Variants in PTPRM observed in about 807,000 individuals in gnomAD.
PTPRM encodes the protein protein tyrosine phosphatase receptor type M.
PTPRM carries 47 observed loss-of-function variants against 186.7 expected under a neutral mutation model. That is an observed-to-expected ratio of 0.25 (90% confidence interval 0.20 to 0.32). The LOEUF (loss-of-function observed/expected upper bound fraction) is 0.32, where lower values mean the gene tolerates loss of function less well. Ranked by LOEUF, PTPRM falls within the 10% of genes least tolerant of loss-of-function variation. PTPRM has a pLI of 1.00. For synonymous variants in PTPRM, 668 were observed against 674.9 expected (o/e 0.99, Z 0.16); for missense variants, 1,494 against 1,865.0 (o/e 0.80, Z 3.66).
chr18:7,698,149 A>AT (rs2039884351), intron 1 of PTPRM, among the ~76,000 whole-genome samples: 1 of 152,196 alleles, frequency 6.6e-6, no homozygotes, highest in Non-Finnish European at 1.5e-5. Flanking sequence ...CCTTAAAACA[A>AT]TAGCAGACTA....
At chr18:8,392,207 T>A (rs1313854305) in intron 31 of PTPRM, among the ~76,000 whole-genome samples, 3 of 152,110 alleles carry the variant, frequency 2.0e-5, no homozygotes, top group Admixed American at 1.3e-4. Flanking sequence ...GTGGATTTTT[T>A]AAAAAAGCAG....
intron 1 of PTPRM, chr18:7,751,426 T>C (rs2041212159): frequency 6.6e-6 from 1 of 152,218 alleles, no homozygotes; most frequent in Non-Finnish European, 1.5e-5. Flanking sequence ...CTTAATACAT[T>C]GCCACTGCCA....
At chr18:8,117,386 T>G (rs999022120) in intron 13 of PTPRM, among the ~76,000 whole-genome samples, 2 of 152,204 alleles carry the variant, frequency 1.3e-5, no homozygotes, top group Non-Finnish European at 2.9e-5. Flanking sequence ...AATGTTCTCC[T>G]GAAACAACTG....
At chr18:8,097,313 A>G (rs2091061855) in intron 11 of PTPRM, among the ~76,000 whole-genome samples, 1 of 152,138 alleles carries the variant, frequency 6.6e-6, no homozygotes, top group African/African-American at 2.4e-5. Flanking sequence ...TTTTTCCCAT[A>G]TAATTATGTC....
chr18:8,208,582 G>C (rs1018486941), intron 14 of PTPRM, among the ~76,000 whole-genome samples: 14 of 151,828 alleles, frequency 9.2e-5, no homozygotes, highest in Admixed American at 8.5e-4. Context: ...CACCATCATA[G>C]TTCACTGCAG....
chr18:8,015,523 T>G (rs931028356), intron 7 of PTPRM, among the ~76,000 whole-genome samples: 5 of 152,178 alleles, frequency 3.3e-5, no homozygotes, highest in African/African-American at 1.2e-4. Context: ...GGGACTTGAG[T>G]CCCTGAAAGG....
rs143208196 is a variant in PTPRM at position 8,372,126 on chromosome 18, C to T, written c.3171+1120C>T. ...GTCGCCCAGGCCGGACTGCGGACTG[C>T]AGTGGCGCAATCTCGGCTCACTGCA... On this transcript the variant is annotated intron_variant, in intron 24 of 32. Coordinates refer to ENST00000580170, the MANE Select transcript of PTPRM (RefSeq NM_001105244.2). Among the ~76,000 whole-genome samples, 1,172 of 129,182 alleles carry T rather than the reference C, an allele frequency of 9.1e-3. 31 individuals are homozygous for T. Among genetic ancestry groups the T allele is most frequent in the African/African-American group, 0.033 (1,117 of 33,708 alleles). The allele number at this position is 129,182 out of a possible 152,430, so 84.7% of individuals were successfully genotyped here.
At chr18:8,065,807 G>A (rs965461493) in intron 7 of PTPRM, among the ~76,000 whole-genome samples, 33 of 152,280 alleles carry the variant, frequency 2.2e-4, no homozygotes, top group African/African-American at 7.2e-4. Flanking sequence ...GCTGTGCCAT[G>A]TTTTGGGGGG....
At chr18:8,268,241 T>A (rs1404937343) in intron 19 of PTPRM, among the ~76,000 whole-genome samples, 2 of 152,166 alleles carry the variant, frequency 1.3e-5, no homozygotes, top group Non-Finnish European at 2.9e-5. Context: ...TGTTTGGATC[T>A]TCTTTAATGT....
intron 14 of PTPRM, among the ~76,000 whole-genome samples, chr18:8,179,522 T>C (rs1302829812): frequency 1.3e-5 from 2 of 150,714 alleles, no homozygotes; most frequent in Admixed American, 6.7e-5. Flanking sequence ...CAGACTGGAG[T>C]GTAGTGGTGC....
intron 11 of PTPRM, among the ~76,000 whole-genome samples, chr18:8,093,505 A>C (rs768610486): frequency 6.6e-6 from 1 of 152,162 alleles, no homozygotes; most frequent in Non-Finnish European, 1.5e-5. Flanking sequence ...TATTTCCTCT[A>C]TCAACAGAAT....
chr18:7,791,795 T>G (rs2043355691), intron 2 of PTPRM, among the ~76,000 whole-genome samples: 1 of 152,170 alleles, frequency 6.6e-6, no homozygotes, highest in Non-Finnish European at 1.5e-5. Context: ...TATAAAGGAG[T>G]GCTATCTTTA....
chr18:7,595,922 C>T (rs2037245966), intron 1 of PTPRM, among the ~76,000 whole-genome samples: 1 of 152,190 alleles, frequency 6.6e-6, no homozygotes, highest in Non-Finnish European at 1.5e-5. Flanking sequence ...CCATTTATAT[C>T]CACACCTCTG....
chr18:8,332,370 C>G (rs2095416623), intron 22 of PTPRM, among the ~76,000 whole-genome samples: 1 of 152,088 alleles, frequency 6.6e-6, no homozygotes, highest in Non-Finnish European at 1.5e-5. Flanking sequence ...CCAATTTTCT[C>G]TTAATGAAAT....
At chr18:8,066,426 G>A (rs542521682) in intron 7 of PTPRM, among the ~76,000 whole-genome samples, 1 of 152,184 alleles carries the variant, frequency 6.6e-6, no homozygotes, top group African/African-American at 2.4e-5. Flanking sequence ...CATCTGAAGT[G>A]GACCATGTCC....
At chr18:8,377,873 A>C (rs9949353) in intron 26 of PTPRM, 2,546 of 160,190 alleles carry the variant, frequency 0.016, 77 homozygotes, top group African/African-American at 0.058. Context: ...GAACTTCCAG[A>C]CTTCTTGTCT....
At chr18:7,602,774 C>G (rs2037434991) in intron 1 of PTPRM, among the ~76,000 whole-genome samples, 1 of 149,392 alleles carries the variant, frequency 6.7e-6, no homozygotes, top group South Asian at 2.1e-4. Context: ...AAAGTGTTGG[C>G]ATTTAAAAAA....
chr18:7,956,715 C>T (rs1318143434), intron 7 of PTPRM, among the ~76,000 whole-genome samples: 4 of 152,214 alleles, frequency 2.6e-5, no homozygotes, highest in Non-Finnish European at 4.4e-5. Context: ...CCAATCCTTT[C>T]TCTTCCTGTC....
At chr18:7,852,419 A>AT (rs2046905874) in intron 2 of PTPRM, among the ~76,000 whole-genome samples, 2 of 151,908 alleles carry the variant, frequency 1.3e-5, no homozygotes, top group South Asian at 2.1e-4. Context: ...TCTACAAAAA[A>AT]ATTTTTTTTA....
Sources: gnomAD v4.1 joint callset for allele counts (sites outside exome capture counted in the v4.1 genomes callset) on GRCh38, gnomAD v4.1.1 for gene constraint, MANE v1.5 for transcripts, NCBI Gene and HGNC (gene_info 2026-07-23, HGNC 2026-07-21) for gene names.